FAM169A: variants seen among roughly 807,000 people sequenced by gnomAD.
FAM169A encodes the protein soluble lamin-associated protein of 75 kDa.
Under a neutral mutation model 75.7 loss-of-function variants are expected in FAM169A, and 24 were observed. The observed-to-expected ratio is 0.32, with a 90% CI of 0.23 to 0.45. FAM169A has a LOEUF of 0.45. FAM169A is among the 20% of genes least tolerant of loss of function. The pLI, the probability that FAM169A is intolerant of heterozygous loss-of-function variation, is 1.00. For missense variants in FAM169A, 673 were observed against 784.0 expected, an observed-to-expected ratio of 0.86 and a Z score of 1.69; for synonymous variants, 271 against 271.0, an observed-to-expected ratio of 1.00 and a Z score of 0.00.
rs1486117456 is a variant in FAM169A at position 74,813,902 on chromosome 5, A to G, written c.608T>C (p.Val203Ala). The G allele has an allele frequency of 1.2e-6, 2 of 1,609,856 alleles. No individual in the cohort carries two copies. The highest frequency in any genetic ancestry group is 1.7e-5 in the Admixed American group (1 of 58,572). ...AAGCGCATCTTCTGTAAAGGAATCA[A>G]CAAAGTCCTCCAGCATGTGAAGCCC... Reference protein sequence around the residue: ...DFGLHMLEDFVDSFTEDALGL... With the variant: ...DFGLHMLEDFADSFTEDALGL... The change falls in exon 6 of 13, where the codon GTT (valine) becomes GCT (alanine). Residue 203 changes from valine (V) to alanine (A), a missense_variant. This residue lies in a region of FAM169A where 510 missense variants were observed against 550.9 expected (regional missense o/e 0.93). Transcript: ENST00000687041.
chr5:74,812,012 T>G (rs1320480207), intron 6 of FAM169A, among the ~76,000 whole-genome samples: 1 of 151,912 alleles, frequency 6.6e-6, no homozygotes, highest in Non-Finnish European at 1.5e-5. Context: ...GGAAGGGGAG[T>G]GAGTCTAATT....
At chr5:74,866,634 G>A, upstream of FAM169A, 1 of 756,342 alleles carries the variant, frequency 1.3e-6, no homozygotes, top group Non-Finnish European at 1.6e-6. Flanking sequence ...GCAGCGCGAC[G>A]CCCAGCTCAG....
At chr5:74,855,383 A>G (rs1225848445) in intron 1 of FAM169A, among the ~76,000 whole-genome samples, 1 of 152,148 alleles carries the variant, frequency 6.6e-6, no homozygotes, top group Non-Finnish European at 1.5e-5. Flanking sequence ...TTTTTTGTAG[A>G]GATGGGTTTT....
chr5:74,823,400 C>T (rs1747861585), intron 5 of FAM169A, among the ~76,000 whole-genome samples: 2 of 152,198 alleles, frequency 1.3e-5, no homozygotes, highest in Non-Finnish European at 2.9e-5. Context: ...TTTTAAATAT[C>T]ACTTTCCCAG....
At chr5:74,810,798 A>T (rs1191014687) in intron 6 of FAM169A, among the ~76,000 whole-genome samples, 2 of 143,940 alleles carry the variant, frequency 1.4e-5, no homozygotes, top group East Asian at 2.0e-4. Flanking sequence ...TATGTAAATT[A>T]TAACTTAATA....
At chr5:74,791,442 C>T (rs1745970379) in intron 11 of FAM169A, among the ~76,000 whole-genome samples, 1 of 152,140 alleles carries the variant, frequency 6.6e-6, no homozygotes, top group African/African-American at 2.4e-5. Flanking sequence ...GAGACGAACG[C>T]TGCCACCAGG....
chr5:74,786,544 T>C (rs1745704384), intron 11 of FAM169A, among the ~76,000 whole-genome samples: 1 of 152,066 alleles, frequency 6.6e-6, no homozygotes, highest in South Asian at 2.1e-4. Flanking sequence ...AGGGAAGAAG[T>C]TTGGTGACTC....
intron 1 of FAM169A, among the ~76,000 whole-genome samples, chr5:74,856,355 T>A (rs1289119569): frequency 6.6e-6 from 1 of 152,192 alleles, no homozygotes; most frequent in African/African-American, 2.4e-5. Context: ...TTGCATTGAA[T>A]CTGTAGATTG....
chr5:74,785,448 C>A (rs1323998707), intron 11 of FAM169A, among the ~76,000 whole-genome samples: 3 of 152,132 alleles, frequency 2.0e-5, no homozygotes, highest in Non-Finnish European at 4.4e-5. Flanking sequence ...CAATTTTCTA[C>A]AATAAAAGTA....
chr5:74,789,047 T>C (rs1259072396), intron 11 of FAM169A, among the ~76,000 whole-genome samples: 1 of 152,234 alleles, frequency 6.6e-6, no homozygotes, highest in Admixed American at 6.5e-5. Flanking sequence ...CAGAAGCAAT[T>C]TGCGTTCGGC....
chr5:74,783,846 T>C (rs1043275986), intron 11 of FAM169A, among the ~76,000 whole-genome samples: 2 of 152,188 alleles, frequency 1.3e-5, no homozygotes, highest in Non-Finnish European at 2.9e-5. Context: ...GGGAATTTTA[T>C]TACCATTATT....
chr5:74,787,821 T>C lies in FAM169A; in HGVS notation c.1261-4687A>G, dbSNP rs558734917. Among the ~76,000 whole-genome samples the C allele has an allele frequency of 1.6e-3, 241 of 152,250 alleles. 2 individuals are homozygous for C. The highest frequency in any genetic ancestry group is 4.2e-3 in the Admixed American group (65 of 15,300). On this transcript the variant is annotated intron_variant, in intron 11 of 12. Transcript: ENST00000687041. ...ATTGATAGGAAGCCTACTGAATTCC[T>C]ACTTAATTCATATAAGTGGAAAACT...
chr5:74,864,573 T>A (rs1225135245), intron 1 of FAM169A, among the ~76,000 whole-genome samples: 2 of 152,206 alleles, frequency 1.3e-5, no homozygotes. Context: ...ATGACATGAA[T>A]ACTATCTCAA....
intron 1 of FAM169A, among the ~76,000 whole-genome samples, chr5:74,856,876 G>A (rs548014415): frequency 9.8e-4 from 148 of 151,166 alleles, no homozygotes; most frequent in Non-Finnish European, 1.6e-3. Flanking sequence ...TTTGGAGGCC[G>A]AGGTGGGCAG....
In FAM169A at chr5:74,781,362, T is replaced by C; in HGVS notation, c.*98A>G. The stretch of plus-strand genomic sequence containing the variant: ...TAAGTTCAAATTGAAATTTTGGAAA[T>C]TTTTGTCCTGTGCCCCATGCTGTTT... On this transcript the variant is annotated 3_prime_UTR_variant, in exon 13 of 13. Coordinates refer to ENST00000687041, the MANE Select transcript of FAM169A (RefSeq NM_001376049.1). The C allele has an allele frequency of 8.1e-7, 1 of 1,228,356 alleles. No individual in the cohort carries two copies. The highest frequency in any genetic ancestry group is 1.1e-6 in the Non-Finnish European group (1 of 883,354). 76.1% of individuals were successfully genotyped at this position (1,228,356 alleles called of 1,614,324 possible).
At chr5:74,784,364 G>A (rs973392019) in intron 11 of FAM169A, among the ~76,000 whole-genome samples, 57 of 151,612 alleles carry the variant, frequency 3.8e-4, no homozygotes, top group African/African-American at 1.4e-3. Context: ...ATAAAAATTA[G>A]CCAGGCATGG....
At chr5:74,790,364 G>A (rs1665889) in intron 11 of FAM169A, among the ~76,000 whole-genome samples, 1 of 152,200 alleles carries the variant, frequency 6.6e-6, no homozygotes, top group East Asian at 1.9e-4. Context: ...GGTTGTGCAC[G>A]TTCCAAGGAA....
chr5:74,813,785 C>T lies in FAM169A; in HGVS notation c.670+55G>A, dbSNP rs1401780217. The T allele has an allele frequency of 2.6e-5, 34 of 1,310,188 alleles. No individual in the cohort carries two copies. In the East Asian group the frequency reaches 8.3e-4, roughly 32 times the overall value. The allele number at this position is 1,310,188 out of a possible 1,614,324, so 81.2% of individuals were successfully genotyped here. ...ACACATTTACCGTATTTTGAAGAAA[C>T]AAGTCGGAAGTGACACAAAGACAAG... On this transcript the variant is annotated intron_variant, in intron 6 of 12. Coordinates refer to ENST00000687041, the MANE Select transcript of FAM169A (RefSeq NM_001376049.1).
intron 1 of FAM169A, chr5:74,865,420 C>T (rs1750268499): frequency 6.6e-6 from 1 of 152,178 alleles, no homozygotes; most frequent in African/African-American, 2.4e-5. Flanking sequence ...ACGATACCCA[C>T]GCCGCTTCCC....
Sources: gnomAD v4.1 joint callset for allele counts (sites outside exome capture counted in the v4.1 genomes callset) on GRCh38, gnomAD v4.1.1 for gene constraint, gnomAD v4.1.1 regional missense constraint, MANE v1.5 for transcripts, NCBI Gene and HGNC (gene_info 2026-07-23, HGNC 2026-07-21) for gene names.